Variants in ZNF804A observed in about 807,000 individuals in gnomAD.
ZNF804A encodes the protein zinc finger protein 804A.
ZNF804A carries 2 observed loss-of-function variants against 16.5 expected under a neutral mutation model. The ratio of observed to expected loss-of-function variants is 0.12; its 90% CI spans 0.05 to 0.38. The LOEUF is 0.38. ZNF804A is among the 10% of genes least tolerant of loss of function. The pLI is 0.99. For missense variants in ZNF804A, 1,473 were observed against 1,390.7 expected (o/e 1.06, Z -0.94); for synonymous variants, 534 against 489.6 (o/e 1.09, Z -1.20).
chr2:184,830,594 G>T (rs78814205), intron 1 of ZNF804A, among the ~76,000 whole-genome samples: 1 of 152,000 alleles, frequency 6.6e-6, no homozygotes, highest in African/African-American at 2.4e-5. Context: ...AAATGCTAAC[G>T]TAAGTATCTG....
intron 1 of ZNF804A, among the ~76,000 whole-genome samples, chr2:184,781,298 A>G (rs1694367695): frequency 6.6e-6 from 1 of 151,764 alleles, no homozygotes; most frequent in East Asian, 1.9e-4. Flanking sequence ...TCTCCTAGGT[A>G]CAATGCCTAT....
Position 184,866,714 on chromosome 2 carries a change from A to G in ZNF804A, c.255+202A>G, listed in dbSNP as rs559087816. On this transcript the variant is annotated intron_variant, in intron 2 of 3. Coordinates refer to ENST00000302277, the MANE Select transcript of ZNF804A (RefSeq NM_194250.2). The stretch of plus-strand genomic sequence containing the variant: ...TTTTAAAAAAAAAGGCACCAATAGC[A>G]AAGTCTGAAATAATCAACATAAAGA... Among the ~76,000 whole-genome samples the G allele has an allele frequency of 7.3e-5, 11 of 151,486 alleles. No homozygotes were observed. In the East Asian group the frequency reaches 2.1e-3, roughly 29 times the overall value.
chr2:184,756,016 C>A lies in ZNF804A; in HGVS notation c.112-110353C>A, dbSNP rs536315698. On this transcript the variant is annotated intron_variant, in intron 1 of 3. Transcript: ENST00000302277. Reference sequence around the variant, plus strand: ...AATATTAGTTTGCTTGTTTCTAACCCTTGCAAAAACAAACTGTATGAACAC... The same window carrying A: ...AATATTAGTTTGCTTGTTTCTAACCATTGCAAAAACAAACTGTATGAACAC... Among the ~76,000 whole-genome samples, 15 of 151,982 alleles carry A rather than the reference C, an allele frequency of 9.9e-5. No homozygotes were observed. The South Asian group carries it at 3.1e-3, about 32-fold the overall frequency.
chr2:184,729,866 T>C (rs1050003918), intron 1 of ZNF804A, among the ~76,000 whole-genome samples: 1 of 151,998 alleles, frequency 6.6e-6, no homozygotes, highest in African/African-American at 2.4e-5. Context: ...CAAAAGTAAA[T>C]CACCCTGTGT....
chr2:184,703,035 G>T (rs543522303), intron 1 of ZNF804A, among the ~76,000 whole-genome samples: 2 of 152,054 alleles, frequency 1.3e-5, no homozygotes, highest in Non-Finnish European at 2.9e-5. Context: ...GGCTTCTTTT[G>T]TTTTTTGCAG....
chr2:184,842,071 G>T (rs1254464104), intron 1 of ZNF804A, among the ~76,000 whole-genome samples: 2 of 152,104 alleles, frequency 1.3e-5, no homozygotes, highest in Non-Finnish European at 2.9e-5. Flanking sequence ...CTTACTCATT[G>T]TATCTTCTCC....
chr2:184,818,753 C>A (rs1463258583), intron 1 of ZNF804A, among the ~76,000 whole-genome samples: 6 of 151,880 alleles, frequency 4.0e-5, no homozygotes, highest in Admixed American at 3.9e-4. Flanking sequence ...AGTTGCAATT[C>A]TAGTTTCTGA....
chr2:184,641,103 G>A (rs540091674), intron 1 of ZNF804A, among the ~76,000 whole-genome samples: 7 of 152,076 alleles, frequency 4.6e-5, no homozygotes, highest in South Asian at 2.1e-4. Flanking sequence ...TACAGGAGCC[G>A]GCCACTATGA....
chr2:184,776,809 T>C (rs1694291317), intron 1 of ZNF804A, among the ~76,000 whole-genome samples: 1 of 151,632 alleles, frequency 6.6e-6, no homozygotes, highest in Non-Finnish European at 1.5e-5. Flanking sequence ...CTTAGCCTTA[T>C]AAACCCTCTT....
chr2:184,662,438 A>G (rs1232138904), intron 1 of ZNF804A, among the ~76,000 whole-genome samples: 1 of 152,212 alleles, frequency 6.6e-6, no homozygotes, highest in Non-Finnish European at 1.5e-5. Context: ...TCTAAAGAAA[A>G]TATAAGTGTC....
At chr2:184,779,912 A>G (rs774863880) in intron 1 of ZNF804A, among the ~76,000 whole-genome samples, 19 of 151,860 alleles carry the variant, frequency 1.3e-4, no homozygotes, top group South Asian at 1.0e-3. Flanking sequence ...ATAGGAAACC[A>G]GTATATTCAC....
chr2:184,843,508 A>G (rs533709053), intron 1 of ZNF804A, among the ~76,000 whole-genome samples: 1 of 152,086 alleles, frequency 6.6e-6, no homozygotes, highest in Non-Finnish European at 1.5e-5. Context: ...TCCTGACCTC[A>G]GGTGATCCAC....
At chr2:184,689,373 A>G (rs1692693530) in intron 1 of ZNF804A, among the ~76,000 whole-genome samples, 1 of 152,126 alleles carries the variant, frequency 6.6e-6, no homozygotes, top group Non-Finnish European at 1.5e-5. Flanking sequence ...CTAGTGTTCA[A>G]ATTTTTGACT....
intron 1 of ZNF804A, among the ~76,000 whole-genome samples, chr2:184,798,837 T>A (rs1270107048): frequency 6.6e-6 from 1 of 152,146 alleles, no homozygotes; most frequent in African/African-American, 2.4e-5. Context: ...AGTTGGTTTT[T>A]TGGTTCCTTC....
rs373736251 is a variant in ZNF804A at position 184,711,918 on chromosome 2, G to A, written c.111+112848G>A. On this transcript the variant is annotated intron_variant, in intron 1 of 3. Coordinates refer to ENST00000302277, the MANE Select transcript of ZNF804A (RefSeq NM_194250.2). The stretch of plus-strand genomic sequence containing the variant: ...ATTTTGAAATTCGGAATTGTAATGC[G>A]TCCAGTTTTGTTGTTCTTAAGATTG... Among the ~76,000 whole-genome samples, 34 of 151,608 alleles carry A rather than the reference G, an allele frequency of 2.2e-4. No individual in the cohort carries two copies. In the East Asian group the frequency reaches 3.1e-3, roughly 14 times the overall value.
chr2:184,656,284 A>C (rs1692073100), intron 1 of ZNF804A, among the ~76,000 whole-genome samples: 1 of 152,138 alleles, frequency 6.6e-6, no homozygotes, highest in South Asian at 2.1e-4. Context: ...GTATGCACGC[A>C]ATATTGCTAT....
intron 1 of ZNF804A, among the ~76,000 whole-genome samples, chr2:184,795,225 C>T (rs1694613256): frequency 1.3e-5 from 2 of 152,100 alleles, no homozygotes; most frequent in South Asian, 2.1e-4. Flanking sequence ...AGCACTCTCC[C>T]AGACGACAGT....
intron 1 of ZNF804A, among the ~76,000 whole-genome samples, chr2:184,794,512 G>A (rs1469123871): frequency 6.6e-6 from 1 of 151,922 alleles, no homozygotes; most frequent in African/African-American, 2.4e-5. Context: ...ATTTCTCCCA[G>A]TCTGTGAGTT....
At chr2:184,664,556 C>T (rs1235681017) in intron 1 of ZNF804A, among the ~76,000 whole-genome samples, 3 of 152,078 alleles carry the variant, frequency 2.0e-5, no homozygotes, top group Non-Finnish European at 2.9e-5. Context: ...TTTTAATAAT[C>T]TCATAATATG....
Sources: gnomAD v4.1 joint callset for allele counts (sites outside exome capture counted in the v4.1 genomes callset) on GRCh38, gnomAD v4.1.1 for gene constraint, MANE v1.5 for transcripts, NCBI Gene and HGNC (gene_info 2026-07-23, HGNC 2026-07-21) for gene names.